Variants in UNC5D observed in about 807,000 individuals in gnomAD.
UNC5D encodes unc-5 netrin receptor D.
A neutral mutation model predicts 105.4 loss-of-function variants in UNC5D; 39 were observed. That is an observed-to-expected ratio of 0.37 (90% confidence interval 0.29 to 0.48). UNC5D has a LOEUF of 0.48. Among genes scored for constraint, UNC5D ranks in the 20% least tolerant of loss-of-function variants. UNC5D has a pLI of 0.98. For missense variants in UNC5D, 991 were observed against 1,202.4 expected, an observed-to-expected ratio of 0.82 and a Z score of 2.60; for synonymous variants, 452 against 450.4, an observed-to-expected ratio of 1.00 and a Z score of -0.04.
intron 4 of UNC5D, among the ~76,000 whole-genome samples, chr8:35,678,617 G>C (rs747071129): frequency 6.6e-6 from 1 of 151,952 alleles, no homozygotes; most frequent in African/African-American, 2.4e-5. Context: ...ATAAATTTAT[G>C]ATAACACTAA....
intron 1 of UNC5D, among the ~76,000 whole-genome samples, chr8:35,287,961 A>G (rs943397271): frequency 6.6e-6 from 1 of 152,150 alleles, no homozygotes; most frequent in African/African-American, 2.4e-5. Flanking sequence ...GCCTATGAAA[A>G]TTATAGAACA....
chr8:35,644,654 C>G (rs1822941838), intron 4 of UNC5D, among the ~76,000 whole-genome samples: 2 of 152,272 alleles, frequency 1.3e-5, no homozygotes, highest in South Asian at 4.1e-4. Context: ...TGCAGGTTGT[C>G]TGCAGCTCAC....
chr8:35,354,504 T>C (rs1801441904), intron 1 of UNC5D, among the ~76,000 whole-genome samples: 1 of 152,174 alleles, frequency 6.6e-6, no homozygotes, highest in Admixed American at 6.6e-5. Context: ...TTCCTTTTCA[T>C]TATGCATAAT....
intron 1 of UNC5D, among the ~76,000 whole-genome samples, chr8:35,411,491 T>G (rs1213361236): frequency 1.3e-5 from 2 of 152,080 alleles, no homozygotes; most frequent in Non-Finnish European, 2.9e-5. Context: ...CTTACTCATG[T>G]GTGCTGAATG....
At chr8:35,402,242 A>ATGTACAAGACTGGGT (rs1804513677) in intron 1 of UNC5D, among the ~76,000 whole-genome samples, 1 of 152,306 alleles carries the variant, frequency 6.6e-6, no homozygotes, top group East Asian at 1.9e-4. Flanking sequence ...AAGACTGGGT[A>ATGTACAAGACTGGGT]ATTTACAAAG....
intron 1 of UNC5D, among the ~76,000 whole-genome samples, chr8:35,489,826 G>T (rs147245382): frequency 8.1e-4 from 124 of 152,222 alleles, no homozygotes; most frequent in African/African-American, 2.8e-3. Flanking sequence ...TATAGCCTAG[G>T]GTATTCCATC....
At chr8:35,359,679 G>A (rs1392920076) in intron 1 of UNC5D, among the ~76,000 whole-genome samples, 1 of 152,150 alleles carries the variant, frequency 6.6e-6, no homozygotes, top group Admixed American at 6.5e-5. Context: ...CCTCAGCAAT[G>A]AGTACAGTAG....
intron 1 of UNC5D, among the ~76,000 whole-genome samples, chr8:35,384,559 C>T (rs922861456): frequency 1.3e-5 from 2 of 152,172 alleles, no homozygotes; most frequent in African/African-American, 4.8e-5. Context: ...GTTCATTCCC[C>T]TAAACCCTTA....
At chr8:35,736,371 A>G (rs1829469364) in intron 11 of UNC5D, among the ~76,000 whole-genome samples, 1 of 152,202 alleles carries the variant, frequency 6.6e-6, no homozygotes, top group South Asian at 2.1e-4. Context: ...ACCCTGTCTC[A>G]AACAACAATA....
chr8:35,292,115 A>G (rs1196408445), intron 1 of UNC5D, among the ~76,000 whole-genome samples: 1 of 152,224 alleles, frequency 6.6e-6, no homozygotes, highest in Non-Finnish European at 1.5e-5. Flanking sequence ...AAATAGCTAG[A>G]AGGAATTCTA....
chr8:35,632,420 G>A (rs1021866195), intron 4 of UNC5D, among the ~76,000 whole-genome samples: 3 of 152,194 alleles, frequency 2.0e-5, no homozygotes, highest in Non-Finnish European at 4.4e-5. Context: ...GATCACCATG[G>A]TTATGGAGGC....
intron 1 of UNC5D, among the ~76,000 whole-genome samples, chr8:35,291,963 G>A (rs191157921): frequency 1.1e-4 from 16 of 152,244 alleles, no homozygotes; most frequent in African/African-American, 3.1e-4. Context: ...AAAAATATTC[G>A]TTATCCATGA....
chr8:35,559,173 G>A (rs901883619), intron 2 of UNC5D, among the ~76,000 whole-genome samples: 1 of 152,046 alleles, frequency 6.6e-6, no homozygotes, highest in South Asian at 2.1e-4. Context: ...GAACAAGGAG[G>A]TACAAAGAAA....
In UNC5D at chr8:35,612,721, GC is replaced by G. The variant is rs1368540414; in HGVS notation, c.570+17066del. On this transcript the variant is annotated intron_variant, in intron 4 of 16. Coordinates refer to ENST00000404895, the MANE Select transcript of UNC5D (RefSeq NM_080872.4). ...AGTATTAGAAACTGCTAAATGTTTT[GC>G]CTTTTTTTTTTTTTTTTTTTTTTTT... Among the ~76,000 whole-genome samples the G allele has an allele frequency of 6.7e-5, 5 of 74,122 alleles. No homozygotes were observed. The East Asian group carries it at 1.5e-3, about 23-fold the overall frequency. 48.6% of individuals were successfully genotyped at this position (74,122 alleles called of 152,430 possible). A position where few individuals can be genotyped will look rare whatever the true frequency, so the allele number is the denominator to read the frequency against.
At chr8:35,362,949 A>G (rs1316026801) in intron 1 of UNC5D, among the ~76,000 whole-genome samples, 1 of 152,114 alleles carries the variant, frequency 6.6e-6, no homozygotes, top group Admixed American at 6.6e-5. Context: ...CACAAATCGT[A>G]TTTCTAATTT....
At chr8:35,761,648 C>A (rs1318035216) in intron 14 of UNC5D, among the ~76,000 whole-genome samples, 2 of 152,234 alleles carry the variant, frequency 1.3e-5, no homozygotes, top group African/African-American at 4.8e-5. Context: ...CATCAGGAGG[C>A]TTGCCACTGA....
chr8:35,309,299 C>A (rs953961919), intron 1 of UNC5D, among the ~76,000 whole-genome samples: 6 of 152,168 alleles, frequency 3.9e-5, no homozygotes, highest in Non-Finnish European at 7.3e-5. Context: ...TGATTTCTAG[C>A]CCTACTTCCC....
chr8:35,760,922 A>T (rs1467562614), intron 14 of UNC5D, among the ~76,000 whole-genome samples: 1 of 152,136 alleles, frequency 6.6e-6, no homozygotes, highest in Non-Finnish European at 1.5e-5. Context: ...GGATTTTTAA[A>T]CTGGACAGGG....
chr8:35,396,651 T>C (rs1804119307), intron 1 of UNC5D, among the ~76,000 whole-genome samples: 1 of 151,956 alleles, frequency 6.6e-6, no homozygotes, highest in Non-Finnish European at 1.5e-5. Flanking sequence ...GCATGCGCCA[T>C]CACGCCCACC....
Sources: gnomAD v4.1 joint callset for allele counts (sites outside exome capture counted in the v4.1 genomes callset) on GRCh38, gnomAD v4.1.1 for gene constraint, MANE v1.5 for transcripts, NCBI Gene and HGNC (gene_info 2026-07-23, HGNC 2026-07-21) for gene names.